The following TMEM26 variants were observed in gnomAD, a reference collection of about 807,000 sequenced individuals.
TMEM26 encodes the protein transmembrane protein 26.
TMEM26 carries 38 observed loss-of-function variants against 28.8 expected under a neutral mutation model. The ratio of observed to expected loss-of-function variants is 1.32; its 90% CI spans 1.02 to 1.73. The LOEUF is 1.73. Among genes scored for constraint, TMEM26 ranks in the 40% most tolerant of loss-of-function variants. TMEM26 has a pLI of 0.00. For missense variants in TMEM26, 518 were observed against 447.1 expected, an observed-to-expected ratio of 1.16 and a Z score of -1.43; for synonymous variants, 227 against 182.9, an observed-to-expected ratio of 1.24 and a Z score of -1.95.
At chr10:61,445,906 G>A (rs1420544211) in intron 1 of TMEM26, among the ~76,000 whole-genome samples, 2 of 152,100 alleles carry the variant, frequency 1.3e-5, no homozygotes, top group East Asian at 3.9e-4. Flanking sequence ...GCCATGAGAA[G>A]AAATGCATGA....
chr10:61,413,656 G>A, intron 4 of TMEM26, 121 bp from the exon 5 acceptor site: 1 of 1,326,010 alleles, frequency 7.5e-7, no homozygotes, highest in Non-Finnish European at 9.6e-7. Flanking sequence ...ATATCTTGGT[G>A]ATTTAATAAA....
At position 61,409,290 on chromosome 10, in the gene TMEM26, C is replaced by G. The variant is rs981014425; in HGVS notation, c.*1032G>C. On this transcript the variant is annotated 3_prime_UTR_variant, in exon 6 of 6. Transcript: ENST00000399298. ...CAACGGGGTAGCACATTCCGACTCC[C>G]GTCACTCAACAAGGGCTGTTGGCCA... The G allele has an allele frequency of 6.6e-6, 1 of 152,198 alleles. No homozygotes were observed. Among genetic ancestry groups the G allele is most frequent in the Non-Finnish European group, 1.5e-5 (1 of 68,058 alleles). The allele number at this position is 152,198 out of a possible 1,614,324, so 9.4% of individuals were successfully genotyped here. A position where few individuals can be genotyped will look rare whatever the true frequency, so the allele number is the denominator to read the frequency against.
Position 61,436,200 on chromosome 10 carries a change from T to C in TMEM26, c.240A>G (p.Leu80=). Reference sequence around the variant, plus strand: ...TCTCATGGTGCAATTCAAGAAGCCATAATGATGGAACGATGCTAATCAGAT... The same window carrying C: ...TCTCATGGTGCAATTCAAGAAGCCACAATGATGGAACGATGCTAATCAGAT... ...FLYLISIVPS[L]WLLELHHETQ... is the part of the protein sequence containing the mutation. The change falls in exon 2 of 6, where the codon TTA becomes TTG. Residue 80 remains leucine, a synonymous_variant. Coordinates refer to ENST00000399298, the MANE Select transcript of TMEM26 (RefSeq NM_178505.8). 6.2e-7 allele frequency: 1 copy of C among 1,610,130 alleles called. No individual in the cohort carries two copies. The highest frequency in any genetic ancestry group is 8.5e-7 in the Non-Finnish European group (1 of 1,177,962).
rs1289473161 is a variant in TMEM26 at position 61,409,423 on chromosome 10, A to C, written c.*899T>G. The C allele has an allele frequency of 6.6e-6, 1 of 152,232 alleles. No individual in the cohort carries two copies. The highest frequency in any genetic ancestry group is 1.5e-5 in the Non-Finnish European group (1 of 68,074). The allele number at this position is 152,232 out of a possible 1,614,324, so 9.4% of individuals were successfully genotyped here. ...CAGCTTTGTTCACTACTGCTGGCAG[A>C]CACCAGAAACCATGGAAACACTTAC... On this transcript the variant is annotated 3_prime_UTR_variant, in exon 6 of 6. Transcript: ENST00000399298.
At chr10:61,441,305 T>A (rs1232756488) in intron 1 of TMEM26, among the ~76,000 whole-genome samples, 1 of 152,254 alleles carries the variant, frequency 6.6e-6, no homozygotes, top group African/African-American at 2.4e-5. Flanking sequence ...CTTCTTGAAA[T>A]GTCATCATAA....
At chr10:61,431,096 C>T (rs1172220612) in intron 3 of TMEM26, 123 bp downstream of exon 3, 1 of 723,758 alleles carries the variant, frequency 1.4e-6, no homozygotes, top group Non-Finnish European at 2.3e-6. Context: ...AATTCCTAAG[C>T]CAAACAATGG....
rs190252700 is a variant in TMEM26 at position 61,438,284 on chromosome 10, C to T, written c.192-2036G>A. Among the ~76,000 whole-genome samples the T allele has an allele frequency of 9.9e-5, 15 of 152,138 alleles. No homozygotes were observed. The East Asian group carries it at 2.3e-3, about 24-fold the overall frequency. On this transcript the variant is annotated intron_variant, in intron 1 of 5. Coordinates refer to ENST00000399298, the MANE Select transcript of TMEM26 (RefSeq NM_178505.8). ...AGAGATATCAAAAGCCCATGTTTAGCATGCTCTTAGAAAAAAAAGAACAAT... is the reference window on the plus strand; with the variant it reads ...AGAGATATCAAAAGCCCATGTTTAGTATGCTCTTAGAAAAAAAAGAACAAT...
At chr10:61,413,110 C>T (rs1839594992) in intron 5 of TMEM26, 1 of 509,426 alleles carries the variant, frequency 2.0e-6, no homozygotes, top group South Asian at 2.4e-5. Context: ...ATCTTCAACC[C>T]TAGTGACTAT....
At chr10:61,436,342 A>C in intron 1 of TMEM26, 94 bp from the exon 2 acceptor site, 1 of 685,626 alleles carries the variant, frequency 1.5e-6, no homozygotes, top group Admixed American at 2.9e-5. Flanking sequence ...AAATGCACAT[A>C]CTCCGACCAC....
At chr10:61,427,659 C>A (rs1387644750) in intron 4 of TMEM26, among the ~76,000 whole-genome samples, 2 of 152,048 alleles carry the variant, frequency 1.3e-5, no homozygotes, top group Non-Finnish European at 2.9e-5. Flanking sequence ...ACTGGCCCCA[C>A]AAAACATATC....
At chr10:61,418,672 C>A (rs1839693567) in intron 4 of TMEM26, among the ~76,000 whole-genome samples, 1 of 152,040 alleles carries the variant, frequency 6.6e-6, no homozygotes, top group Admixed American at 6.6e-5. Flanking sequence ...ATAGAAGTAA[C>A]AAACTTGATT....
chr10:61,446,164 G>A (rs1378546643), intron 1 of TMEM26, among the ~76,000 whole-genome samples: 3 of 152,134 alleles, frequency 2.0e-5, no homozygotes, highest in Non-Finnish European at 4.4e-5. Context: ...TCTTATGTGA[G>A]GCAAAAGAAG....
At chr10:61,433,496 G>A (rs1356162678) in intron 2 of TMEM26, among the ~76,000 whole-genome samples, 1 of 152,112 alleles carries the variant, frequency 6.6e-6, no homozygotes, top group Non-Finnish European at 1.5e-5. Flanking sequence ...GTGACAACAA[G>A]ATGACCAGAA....
chr10:61,439,769 T>G (rs1195163780), intron 1 of TMEM26, among the ~76,000 whole-genome samples: 2 of 152,124 alleles, frequency 1.3e-5, no homozygotes, highest in African/African-American at 4.8e-5. Context: ...GATTGACACT[T>G]TAGGTGCTCA....
At chr10:61,435,737 G>A (rs896087165) in intron 2 of TMEM26, among the ~76,000 whole-genome samples, 3 of 152,130 alleles carry the variant, frequency 2.0e-5, no homozygotes, top group Admixed American at 2.0e-4. Context: ...ACAGATAAGG[G>A]TTTTGTTTTT....
At chr10:61,426,221 A>G (rs1158320935) in intron 4 of TMEM26, among the ~76,000 whole-genome samples, 1 of 152,136 alleles carries the variant, frequency 6.6e-6, no homozygotes, top group Non-Finnish European at 1.5e-5. Context: ...AATTTCTAGG[A>G]AAGAAAAATC....
chr10:61,417,385 G>A (rs1242940165), intron 4 of TMEM26, among the ~76,000 whole-genome samples: 1 of 151,506 alleles, frequency 6.6e-6, no homozygotes, highest in African/African-American at 2.4e-5. Flanking sequence ...GTCATATTTT[G>A]CCAATGTGCT....
At chr10:61,413,936 T>C (rs1052062108) in intron 4 of TMEM26, 16 of 987,118 alleles carry the variant, frequency 1.6e-5, no homozygotes, top group Non-Finnish European at 1.8e-5. Context: ...AGGGATCGAA[T>C]TGAAAAGACA....
In TMEM26 at chr10:61,446,817, C is replaced by CAAAAAAA. The variant is rs34030340; in HGVS notation, c.191+6067_191+6073dup. ...CTGGCGACAGAGCGAGACTCCATCT[C>CAAAAAAA]AAAAAAAAAAAAAAAAAAAAAAAAA... On this transcript the variant is annotated intron_variant, in intron 1 of 5. Coordinates refer to ENST00000399298, the MANE Select transcript of TMEM26 (RefSeq NM_178505.8). Among the ~76,000 whole-genome samples the CAAAAAAA allele has an allele frequency of 2.6e-3, 88 of 33,960 alleles. 6 individuals are homozygous for CAAAAAAA. The highest frequency in any genetic ancestry group is 3.3e-3 in the Non-Finnish European group (67 of 20,284). The allele number at this position is 33,960 out of a possible 152,430, so 22.3% of individuals were successfully genotyped here.
Sources: allele counts gnomAD v4.1 joint callset (sites outside exome capture counted in the v4.1 genomes callset), GRCh38; gene constraint gnomAD v4.1.1; transcripts MANE v1.5; gene names NCBI Gene and HGNC (gene_info 2026-07-23, HGNC 2026-07-21).